Variants in ITGA8 observed in about 807,000 individuals in gnomAD.
The protein encoded by ITGA8 is integrin subunit alpha 8.
A neutral mutation model predicts 142.3 loss-of-function variants in ITGA8; 91 were observed. The observed-to-expected ratio is 0.64, with a 90% CI of 0.54 to 0.76. The LOEUF is 0.76. ITGA8 is among the 30% of genes least tolerant of loss of function. ITGA8 has a pLI of 0.00. For missense variants in ITGA8, 1,406 were observed against 1,327.7 expected, an observed-to-expected ratio of 1.06 and a Z score of -0.92; for synonymous variants, 505 against 485.2, an observed-to-expected ratio of 1.04 and a Z score of -0.54.
intron 11 of ITGA8, among the ~76,000 whole-genome samples, chr10:15,653,949 C>T (rs370267545): frequency 1.1e-4 from 17 of 151,930 alleles, no homozygotes; most frequent in African/African-American, 3.6e-4. Context: ...ATTATCCTGC[C>T]TCAGCCTCTC....
At chr10:15,711,689 T>A (rs760511799) in intron 2 of ITGA8, among the ~76,000 whole-genome samples, 2 of 151,516 alleles carry the variant, frequency 1.3e-5, no homozygotes, top group Non-Finnish European at 2.9e-5. Flanking sequence ...ACCTTTGGAG[T>A]CAACTCATCT....
At chr10:15,654,432 A>G (rs1213045533) in intron 11 of ITGA8, among the ~76,000 whole-genome samples, 6 of 152,212 alleles carry the variant, frequency 3.9e-5, no homozygotes, top group Non-Finnish European at 8.8e-5. Context: ...TTTATGTTCA[A>G]TGAAAGAATA....
chr10:15,605,847 T>G, intron 18 of ITGA8, 56 bp from the exon 19 acceptor site: 1 of 1,521,610 alleles, frequency 6.6e-7, no homozygotes, highest in Admixed American at 1.7e-5. Flanking sequence ...TTCACATCCT[T>G]TTTCTTGAAA....
intron 26 of ITGA8, among the ~76,000 whole-genome samples, chr10:15,553,071 A>G (rs773219178): frequency 7.2e-5 from 11 of 152,144 alleles, no homozygotes; most frequent in Non-Finnish European, 1.3e-4. Flanking sequence ...AGCGTGGCCA[A>G]TGTGGTGAAA....
At chr10:15,643,034 C>G (rs1055377096) in intron 13 of ITGA8, among the ~76,000 whole-genome samples, 7 of 152,148 alleles carry the variant, frequency 4.6e-5, no homozygotes, top group Non-Finnish European at 1.0e-4. Flanking sequence ...AAATCAAACC[C>G]TAAAACCAAG....
rs1236392342 is a variant in ITGA8 at position 15,620,478 on chromosome 10, A to T, written c.1400-3919T>A. Among the ~76,000 whole-genome samples the T allele has an allele frequency of 2.0e-5, 3 of 152,156 alleles. No homozygotes were observed. In the East Asian group the frequency reaches 5.8e-4, roughly 29 times the overall value. On this transcript the variant is annotated intron_variant, in intron 13 of 29. Transcript: ENST00000378076. ...TTAATTTCTGTGCCTTCGGGTGGGAATTTTTTCTACTCTGGAAAAATAAAA... is the reference window on the plus strand; with the variant it reads ...TTAATTTCTGTGCCTTCGGGTGGGATTTTTTTCTACTCTGGAAAAATAAAA...
At chr10:15,669,680 G>C (rs1834471422) in intron 8 of ITGA8, among the ~76,000 whole-genome samples, 1 of 152,158 alleles carries the variant, frequency 6.6e-6, no homozygotes, top group Non-Finnish European at 1.5e-5. Context: ...GTGACGTACA[G>C]ATGGGTTTTT....
intron 27 of ITGA8, among the ~76,000 whole-genome samples, chr10:15,534,695 C>T (rs1833383150): frequency 1.3e-5 from 2 of 150,902 alleles, no homozygotes; most frequent in South Asian, 4.1e-4. Flanking sequence ...ATGAGGGCTA[C>T]AGTTCCTTTG....
At chr10:15,700,349 C>T (rs921955062) in intron 2 of ITGA8, among the ~76,000 whole-genome samples, 5 of 152,150 alleles carry the variant, frequency 3.3e-5, no homozygotes, top group African/African-American at 1.2e-4. Context: ...CCCCATGCTC[C>T]TCAACCTGCA....
intron 11 of ITGA8, among the ~76,000 whole-genome samples, chr10:15,651,941 T>C (rs1834093210): frequency 1.3e-5 from 2 of 152,198 alleles, no homozygotes; most frequent in Admixed American, 1.3e-4. Context: ...GCAAGTGATA[T>C]ACTGAGAATC....
At chr10:15,714,389 G>A (rs1835414367) in intron 2 of ITGA8, among the ~76,000 whole-genome samples, 1 of 152,206 alleles carries the variant, frequency 6.6e-6, no homozygotes, top group Non-Finnish European at 1.5e-5. Context: ...ATAGGGCATA[G>A]TTTAAAGAGT....
chr10:15,527,932 T>G (rs1046213683), intron 28 of ITGA8, among the ~76,000 whole-genome samples: 3 of 141,710 alleles, frequency 2.1e-5, no homozygotes, highest in Non-Finnish European at 3.1e-5. Context: ...TTTTTTTTTT[T>G]TGAGACAGGT....
chr10:15,592,357 A>G (rs1832941732), intron 21 of ITGA8, 53 bp from the exon 22 acceptor site: 6 of 1,355,270 alleles, frequency 4.4e-6, no homozygotes. Flanking sequence ...ACATAAAAAT[A>G]TTTTGTAAGT....
chr10:15,517,040 C>CGTATCATTAA lies in ITGA8; in HGVS notation c.*117_*118insTTAATGATAC. ...GATGAGGTGATGTTTCCAGGGTCCC[C>CGTATCATTAA]TCCATTTCCTGGGTCACTGTCAGGT... is the stretch of plus-strand genomic sequence containing the variant. On this transcript the variant is annotated 3_prime_UTR_variant, in exon 30 of 30. Coordinates refer to ENST00000378076, the MANE Select transcript of ITGA8 (RefSeq NM_003638.3). 1.9e-6 allele frequency: 1 copy of CGTATCATTAA among 531,008 alleles called. No homozygotes were observed. The highest frequency in any genetic ancestry group is 3.0e-6 in the Non-Finnish European group (1 of 332,442). The allele number at this position is 531,008 out of a possible 1,614,324, so 32.9% of individuals were successfully genotyped here.
intron 17 of ITGA8, among the ~76,000 whole-genome samples, chr10:15,606,731 C>T (rs75198781): frequency 8.6e-5 from 13 of 152,024 alleles, no homozygotes; most frequent in Admixed American, 2.6e-4. Flanking sequence ...AAAGATTACA[C>T]GTGTATATCA....
At chr10:15,702,189 T>A (rs1006967112) in intron 2 of ITGA8, among the ~76,000 whole-genome samples, 1 of 152,220 alleles carries the variant, frequency 6.6e-6, no homozygotes, top group Non-Finnish European at 1.5e-5. Flanking sequence ...ATATCACGTA[T>A]GCATACTATA....
chr10:15,636,050 G>A (rs1271824892), intron 13 of ITGA8, among the ~76,000 whole-genome samples: 1 of 152,058 alleles, frequency 6.6e-6, no homozygotes, highest in African/African-American at 2.4e-5. Context: ...TAGGGGCCCG[G>A]ATGAGACAAT....
intron 13 of ITGA8, among the ~76,000 whole-genome samples, chr10:15,641,507 C>A (rs1833871065): frequency 6.6e-6 from 1 of 152,072 alleles, no homozygotes; most frequent in African/African-American, 2.4e-5. Flanking sequence ...GAATGGCATT[C>A]TTTTTGCTAG....
At chr10:15,532,966 A>T (rs933925590) in intron 27 of ITGA8, among the ~76,000 whole-genome samples, 1 of 152,162 alleles carries the variant, frequency 6.6e-6, no homozygotes, top group African/African-American at 2.4e-5. Flanking sequence ...GGGACCTGGC[A>T]TCTCTTCCCA....
Sources: allele counts gnomAD v4.1 joint callset (sites outside exome capture counted in the v4.1 genomes callset), GRCh38; gene constraint gnomAD v4.1.1; transcripts MANE v1.5; gene names NCBI Gene and HGNC (gene_info 2026-07-23, HGNC 2026-07-21).